The following SUSD6 variants were observed in gnomAD, a reference collection of about 807,000 sequenced individuals.
SUSD6 encodes the protein sushi domain-containing protein 6.
In SUSD6, 16 loss-of-function variants were observed where a neutral mutation model predicts 28.4. The ratio of observed to expected loss-of-function variants is 0.56; its 90% confidence interval spans 0.38 to 0.86. The LOEUF is 0.86. Ranked by LOEUF, SUSD6 falls within the 40% of genes least tolerant of loss-of-function variation. SUSD6 has a pLI of 0.00. For synonymous variants in SUSD6, 147 were observed against 159.6 expected, an observed-to-expected ratio of 0.92 and a Z score of 0.59; for missense variants, 341 against 384.2, an observed-to-expected ratio of 0.89 and a Z score of 0.94.
At chr14:69,641,418 G>T (rs143839799) in intron 1 of SUSD6, among the ~76,000 whole-genome samples, 4 of 152,066 alleles carry the variant, frequency 2.6e-5, no homozygotes, top group African/African-American at 9.7e-5. Context: ...ACAGTTCAGT[G>T]ATGTTCTGTT....
intron 1 of SUSD6, among the ~76,000 whole-genome samples, chr14:69,640,828 G>A (rs1388580511): frequency 1.3e-5 from 2 of 152,182 alleles, no homozygotes; most frequent in Non-Finnish European, 2.9e-5. Context: ...CTTTTCCAGT[G>A]TGTTAAGTGA....
chr14:69,694,298 C>T (rs571362628), intron 2 of SUSD6, among the ~76,000 whole-genome samples: 8 of 152,366 alleles, frequency 5.3e-5, no homozygotes, highest in Non-Finnish European at 1.2e-4. Context: ...TAGTATGTGA[C>T]AGACCCATTA....
intron 4 of SUSD6, among the ~76,000 whole-genome samples, chr14:69,706,030 C>A (rs184228274): frequency 3.3e-4 from 51 of 152,350 alleles, no homozygotes; most frequent in African/African-American, 1.2e-3. Context: ...AAACTGCATT[C>A]AGTAAAATGT....
intron 1 of SUSD6, among the ~76,000 whole-genome samples, chr14:69,626,545 G>A (rs913157802): frequency 2.6e-5 from 4 of 151,980 alleles, no homozygotes; most frequent in African/African-American, 7.3e-5. Context: ...TTCATTTTTC[G>A]TTGTAGATAT....
chr14:69,647,964 G>A (rs771499263), intron 1 of SUSD6, among the ~76,000 whole-genome samples: 1 of 151,970 alleles, frequency 6.6e-6, no homozygotes, highest in Non-Finnish European at 1.5e-5. Context: ...CAGCCTGAGC[G>A]ACAGAGCATC....
At chr14:69,706,061 C>G (rs1049845256) in intron 4 of SUSD6, among the ~76,000 whole-genome samples, 8 of 152,204 alleles carry the variant, frequency 5.3e-5, no homozygotes, top group Admixed American at 2.6e-4. Context: ...GATTTACAGA[C>G]AAGGACCAGG....
At chr14:69,628,586 G>C (rs752842726) in intron 1 of SUSD6, among the ~76,000 whole-genome samples, 10 of 152,172 alleles carry the variant, frequency 6.6e-5, no homozygotes, top group Admixed American at 2.6e-4. Context: ...CAGGCAGTGT[G>C]CTCAGTGCTT....
chr14:69,676,561 A>T lies in SUSD6; in HGVS notation c.121+17848A>T, dbSNP rs189588354. ...TGCCTGGCTAATGTTTTTATTTTTT[A>T]AAAAAATTGTTTTTTTAGAGATGAC... On this transcript the variant is annotated intron_variant, in intron 2 of 5. Transcript: ENST00000342745. Among the ~76,000 whole-genome samples, 285 of 151,978 alleles carry T rather than the reference A, an allele frequency of 1.9e-3. 1 individual carries two copies. The highest frequency in any genetic ancestry group is 4.7e-3 in the African/African-American group (196 of 41,478).
chr14:69,651,374 A>G (rs1885501759), intron 1 of SUSD6, among the ~76,000 whole-genome samples: 1 of 152,170 alleles, frequency 6.6e-6, no homozygotes, highest in African/African-American at 2.4e-5. Flanking sequence ...AGGGAATATC[A>G]AAGCAATTCA....
At chr14:69,654,791 G>GTGTGTGTGT (rs1491115297) in intron 1 of SUSD6, among the ~76,000 whole-genome samples, 4,062 of 32,346 alleles carry the variant, frequency 0.13, 269 homozygotes, top group African/African-American at 0.3. Flanking sequence ...TTTTTTTTTG[G>GTGTGTGTGT]TGTGTGTGTG....
intron 2 of SUSD6, among the ~76,000 whole-genome samples, chr14:69,677,258 C>T (rs1161377252): frequency 6.6e-6 from 1 of 152,204 alleles, no homozygotes; most frequent in Non-Finnish European, 1.5e-5. Flanking sequence ...TCATGTTACT[C>T]TGTTACGCCG....
intron 1 of SUSD6, among the ~76,000 whole-genome samples, chr14:69,612,927 C>T (rs75145984): frequency 2.0e-5 from 3 of 152,256 alleles, no homozygotes; most frequent in African/African-American, 7.2e-5. Context: ...ATAGGAGTTA[C>T]GCACACACAC....
chr14:69,709,050 G>A lies in SUSD6; in HGVS notation c.832G>A (p.Glu278Lys). 1 of 1,613,534 alleles carries A rather than the reference G, an allele frequency of 6.2e-7. No individual in the cohort carries two copies. Among genetic ancestry groups the A allele is most frequent in the Non-Finnish European group, 8.5e-7 (1 of 1,179,854 alleles). The change falls in exon 5 of 6, where the codon GAG becomes AAG. Residue 278 changes from glutamate (E) to lysine (K), a missense_variant. Coordinates refer to ENST00000342745, the MANE Select transcript of SUSD6 (RefSeq NM_014734.4). ...QLAHKETADS[E>K]NSDIQSLLSL... is the part of the protein sequence containing the mutation. ...GGCACACAAAGAAACTGCAGATTCAGAGAACAGTGACATACAAAGCCTTTT... is the reference window on the plus strand; with the variant it reads ...GGCACACAAAGAAACTGCAGATTCAAAGAACAGTGACATACAAAGCCTTTT...
chr14:69,629,338 C>T (rs961425724), intron 1 of SUSD6, among the ~76,000 whole-genome samples: 2 of 152,072 alleles, frequency 1.3e-5, no homozygotes, highest in Non-Finnish European at 2.9e-5. Flanking sequence ...GGTAGATGGC[C>T]GTTGGGCCCC....
chr14:69,683,553 G>A (rs1367381406), intron 2 of SUSD6, among the ~76,000 whole-genome samples: 1 of 152,166 alleles, frequency 6.6e-6, no homozygotes, highest in Admixed American at 6.5e-5. Context: ...GATGTTGAGG[G>A]AGAGGGAAAG....
At chr14:69,675,387 TG>T (rs1885892377) in intron 2 of SUSD6, among the ~76,000 whole-genome samples, 1 of 152,220 alleles carries the variant, frequency 6.6e-6, no homozygotes, top group Non-Finnish European at 1.5e-5. Context: ...TAACTGAGTG[TG>T]TTCCCAGCAC....
At chr14:69,692,314 C>A (rs2139637952) in intron 2 of SUSD6, among the ~76,000 whole-genome samples, 1 of 152,282 alleles carries the variant, frequency 6.6e-6, no homozygotes, top group South Asian at 2.1e-4. Flanking sequence ...CATATGTATC[C>A]CACCCCTATG....
intron 1 of SUSD6, among the ~76,000 whole-genome samples, chr14:69,619,909 T>C (rs1196566952): frequency 6.6e-6 from 1 of 152,188 alleles, no homozygotes; most frequent in Non-Finnish European, 1.5e-5. Flanking sequence ...CTTGGGCTTA[T>C]TGTATGTGGA....
intron 2 of SUSD6, among the ~76,000 whole-genome samples, chr14:69,697,282 T>C (rs1365296338): frequency 6.6e-6 from 1 of 152,184 alleles, no homozygotes; most frequent in Non-Finnish European, 1.5e-5. Flanking sequence ...CAACCTGTTT[T>C]ATTGGTGTGG....
Sources: allele counts gnomAD v4.1 joint callset (sites outside exome capture counted in the v4.1 genomes callset), GRCh38; gene constraint gnomAD v4.1.1; transcripts MANE v1.5; gene names NCBI Gene and HGNC (gene_info 2026-07-23, HGNC 2026-07-21).